The following CDH18 variants were observed in gnomAD, a reference collection of about 807,000 sequenced individuals.
The protein encoded by CDH18 is cadherin 18.
Under a neutral mutation model 67.9 loss-of-function variants are expected in CDH18, and 31 were observed. The ratio of observed to expected loss-of-function variants is 0.46; its 90% CI spans 0.34 to 0.62. CDH18 has a LOEUF of 0.62. CDH18 is among the 20% of genes least tolerant of loss of function. The pLI is 0.01. For missense variants in CDH18, 890 were observed against 975.5 expected, an observed-to-expected ratio of 0.91 and a Z score of 1.17; for synonymous variants, 362 against 347.2, an observed-to-expected ratio of 1.04 and a Z score of -0.48.
intron 2 of CDH18, among the ~76,000 whole-genome samples, chr5:20,162,501 C>CATAT (rs35649445): frequency 4.9e-4 from 71 of 143,706 alleles, no homozygotes; most frequent in African/African-American, 1.7e-3. Context: ...ATATAATAGA[C>CATAT]ATATATATAT....
chr5:19,967,265 T>A (rs1265159608), intron 2 of CDH18, among the ~76,000 whole-genome samples: 1 of 151,978 alleles, frequency 6.6e-6, no homozygotes, highest in African/African-American at 2.4e-5. Context: ...AGAAACAGAT[T>A]AGAGGAGAAA....
At chr5:19,653,277 C>T (rs939527988) in intron 5 of CDH18, among the ~76,000 whole-genome samples, 3 of 152,048 alleles carry the variant, frequency 2.0e-5, no homozygotes, top group African/African-American at 7.3e-5. Context: ...GAATAGCAGA[C>T]CCTGAGCTTG....
chr5:20,379,083 T>A (rs1743696579), intron 1 of CDH18, among the ~76,000 whole-genome samples: 1 of 152,050 alleles, frequency 6.6e-6, no homozygotes, highest in Non-Finnish European at 1.5e-5. Context: ...ACCTTAGGGG[T>A]ATTTTAATTT....
intron 2 of CDH18, among the ~76,000 whole-genome samples, chr5:20,089,223 A>AT (rs543921176): frequency 6.6e-6 from 1 of 152,066 alleles, no homozygotes; most frequent in African/African-American, 2.4e-5. Context: ...TCAACAATAG[A>AT]TTTTTTTGTT....
chr5:20,172,228 A>ATATACG lies in CDH18; in HGVS notation c.-518+83215_-518+83216insCGTATA, dbSNP rs1554098790. ...TATATATATATATATATATATGTAT[A>ATATACG]TATATATATATGTATATATATATAT... On this transcript the variant is annotated intron_variant, in intron 2 of 14. Coordinates refer to the CDH18 transcript ENST00000507958. Among the ~76,000 whole-genome samples, 405 of 110,722 alleles carry ATATACG rather than the reference A, an allele frequency of 3.7e-3. 42 individuals carry two copies. The highest frequency in any genetic ancestry group is 0.014 in the African/African-American group (373 of 26,134). The allele number at this position is 110,722 out of a possible 152,430, so 72.6% of individuals were successfully genotyped here. A position where few individuals can be genotyped will look rare whatever the true frequency, so the allele number is the denominator to read the frequency against.
rs1309994577 is a variant in CDH18 at position 20,006,078 on chromosome 5, T to C, written c.-517-14064A>G. ...CAATAACATATAACACACTACATAATATGTCACAAGATTGAAAAGGCAAGA... is the reference window on the plus strand; with the variant it reads ...CAATAACATATAACACACTACATAACATGTCACAAGATTGAAAAGGCAAGA... On this transcript the variant is annotated intron_variant, in intron 2 of 14. Coordinates refer to the CDH18 transcript ENST00000507958. Among the ~76,000 whole-genome samples, 7 of 151,938 alleles carry C rather than the reference T, an allele frequency of 4.6e-5. No individual in the cohort carries two copies. The South Asian group carries it at 6.2e-4, about 13-fold the overall frequency.
intron 2 of CDH18, among the ~76,000 whole-genome samples, chr5:20,187,582 A>T (rs1051545545): frequency 2.0e-5 from 3 of 151,928 alleles, no homozygotes; most frequent in Non-Finnish European, 4.4e-5. Flanking sequence ...TGTCAAATAC[A>T]TGTTGGCTCC....
chr5:20,195,828 G>T (rs1017775651), intron 2 of CDH18, among the ~76,000 whole-genome samples: 1 of 151,882 alleles, frequency 6.6e-6, no homozygotes, highest in Non-Finnish European at 1.5e-5. Context: ...ATTTATCATG[G>T]GGCTTTTGTA....
At chr5:19,575,968 T>C (rs899273353) in intron 7 of CDH18, among the ~76,000 whole-genome samples, 18 of 152,112 alleles carry the variant, frequency 1.2e-4, no homozygotes, top group African/African-American at 3.6e-4. Context: ...TTTGCAGTTA[T>C]AGGTGATGAA....
chr5:20,027,546 G>A (rs545909816), intron 2 of CDH18, among the ~76,000 whole-genome samples: 15 of 152,120 alleles, frequency 9.9e-5, no homozygotes, highest in Admixed American at 8.5e-4. Context: ...AATCCTTGCC[G>A]CAGTTCTTAG....
At chr5:20,224,903 A>G (rs1741492480) in intron 2 of CDH18, among the ~76,000 whole-genome samples, 1 of 151,986 alleles carries the variant, frequency 6.6e-6, no homozygotes, top group Admixed American at 6.6e-5. Flanking sequence ...ATTAATATCC[A>G]TACTCTTTCT....
chr5:20,106,661 T>C (rs1746965970), intron 2 of CDH18, among the ~76,000 whole-genome samples: 1 of 152,198 alleles, frequency 6.6e-6, no homozygotes, highest in Admixed American at 6.5e-5. Flanking sequence ...ATTGTGGTGG[T>C]TGTTGTTATT....
At chr5:20,001,155 A>G (rs977563583) in intron 2 of CDH18, among the ~76,000 whole-genome samples, 1 of 152,222 alleles carries the variant, frequency 6.6e-6, no homozygotes, top group African/African-American at 2.4e-5. Context: ...ATGCATGGGA[A>G]GCTTGATCTT....
At chr5:19,741,867 T>C (rs543506563) in intron 4 of CDH18, among the ~76,000 whole-genome samples, 1 of 152,196 alleles carries the variant, frequency 6.6e-6, no homozygotes, top group African/African-American at 2.4e-5. Flanking sequence ...CCGCATTTAT[T>C]AGGTACAGGC....
At chr5:19,491,500 A>G (rs1741455790) in intron 11 of CDH18, among the ~76,000 whole-genome samples, 1 of 152,242 alleles carries the variant, frequency 6.6e-6, no homozygotes, top group Non-Finnish European at 1.5e-5. Context: ...AATACAAGAT[A>G]AACATTTAAA....
At chr5:19,647,173 A>G (rs1272042634) in intron 5 of CDH18, among the ~76,000 whole-genome samples, 1 of 152,054 alleles carries the variant, frequency 6.6e-6, no homozygotes, top group East Asian at 1.9e-4. Context: ...ACGTAAGGGC[A>G]AGAAATGCAA....
At chr5:20,005,258 C>A (rs973946896) in intron 2 of CDH18, among the ~76,000 whole-genome samples, 4 of 151,996 alleles carry the variant, frequency 2.6e-5, no homozygotes, top group African/African-American at 9.7e-5. Context: ...TAGAAGACAG[C>A]GCAGAGCCTA....
chr5:20,183,518 AT>A (rs1360533827), intron 2 of CDH18, among the ~76,000 whole-genome samples: 2 of 152,124 alleles, frequency 1.3e-5, no homozygotes, highest in Non-Finnish European at 2.9e-5. Flanking sequence ...GAAATAAAAA[AT>A]ATAGCAGAAA....
intron 1 of CDH18, among the ~76,000 whole-genome samples, chr5:20,398,703 A>C (rs1189116939): frequency 6.6e-6 from 1 of 152,106 alleles, no homozygotes; most frequent in Admixed American, 6.5e-5. Context: ...CCACCACGGC[A>C]CACGTATAAC....
Sources: gnomAD v4.1 joint callset for allele counts (sites outside exome capture counted in the v4.1 genomes callset) on GRCh38, gnomAD v4.1.1 for gene constraint, MANE v1.5 for transcripts, NCBI Gene and HGNC (gene_info 2026-07-23, HGNC 2026-07-21) for gene names.